PRKG1: variants seen among roughly 807,000 people sequenced by gnomAD.
PRKG1 encodes the protein cGMP-dependent protein kinase 1.
PRKG1 carries 35 observed loss-of-function variants against 88.1 expected under a neutral mutation model. That is an observed-to-expected ratio of 0.40 (90% CI 0.30 to 0.53). PRKG1 has a LOEUF of 0.53. PRKG1 is among the 20% of genes least tolerant of loss of function. The probability of loss-of-function intolerance (pLI) is 0.59; values close to 1 mark genes in which losing one functional copy is unlikely to be tolerated. For missense variants in PRKG1, 540 were observed against 839.8 expected (o/e 0.64, Z 4.41); for synonymous variants, 303 against 292.5 (o/e 1.04, Z -0.37).
At chr10:52,151,327 C>G (rs1307380083) in intron 8 of PRKG1, among the ~76,000 whole-genome samples, 1 of 152,010 alleles carries the variant, frequency 6.6e-6, no homozygotes, top group Non-Finnish European at 1.5e-5. Flanking sequence ...ATAGATTCTG[C>G]TTTGAGAATA....
At chr10:51,700,314 T>C (rs1841433268) in intron 3 of PRKG1, among the ~76,000 whole-genome samples, 1 of 152,236 alleles carries the variant, frequency 6.6e-6, no homozygotes. Flanking sequence ...ATTCCTAATA[T>C]TACGGTTTTC....
At chr10:51,997,940 G>A (rs74884655) in intron 5 of PRKG1, among the ~76,000 whole-genome samples, 8,356 of 151,972 alleles carry the variant, frequency 0.055, 711 homozygotes, top group African/African-American at 0.18. Context: ...TTGAATAGAG[G>A]TGGTGATAGC....
rs1338776001 is a variant in PRKG1 at position 51,148,267 on chromosome 10, A to T, written c.312-4897A>T. 3 of 985,126 alleles carry T rather than the reference A, an allele frequency of 3.0e-6. No homozygotes were observed. The African/African-American group carries it at 5.2e-5, about 17-fold the overall frequency. 61.0% of individuals were successfully genotyped at this position (985,126 alleles called of 1,614,324 possible). A position where few individuals can be genotyped will look rare whatever the true frequency, so the allele number is the denominator to read the frequency against. On this transcript the variant is annotated intron_variant, in intron 1 of 17. Transcript: ENST00000373980. ...ATAGACAATACTGTAGGCCAAGGTG[A>T]CTGTGAAAATCATTTATTGCTTCCC... is the stretch of plus-strand genomic sequence containing the variant.
At position 52,294,700 on chromosome 10, in the gene PRKG1, G is replaced by A. The variant is rs972867706; in HGVS notation, c.*800G>A. 6.6e-6 allele frequency: 1 copy of A among 152,434 alleles called. No individual in the cohort carries two copies. Among genetic ancestry groups the A allele is most frequent in the Admixed American group, 6.6e-5 (1 of 15,230 alleles). 9.4% of individuals were successfully genotyped at this position (152,434 alleles called of 1,614,324 possible). A position where few individuals can be genotyped will look rare whatever the true frequency, so the allele number is the denominator to read the frequency against. ...CATTTCATATTTTTTAAAATATTGTGCTTAAAGATGGTCCTGGAAGTAAAT... is the reference window on the plus strand; with the variant it reads ...CATTTCATATTTTTTAAAATATTGTACTTAAAGATGGTCCTGGAAGTAAAT... On this transcript the variant is annotated 3_prime_UTR_variant, in exon 18 of 18. Coordinates refer to ENST00000373980, the MANE Select transcript of PRKG1 (RefSeq NM_006258.4).
At chr10:51,823,641 C>T (rs910101254) in intron 4 of PRKG1, among the ~76,000 whole-genome samples, 4 of 151,920 alleles carry the variant, frequency 2.6e-5, no homozygotes, top group African/African-American at 7.3e-5. Flanking sequence ...TTTCTTGAAA[C>T]ATTTCGATGT....
At position 52,222,235 on chromosome 10, in the gene PRKG1, C is replaced by T. The variant is rs373036656; in HGVS notation, c.1077-29335C>T. 6.5e-4 allele frequency among the ~76,000 whole-genome samples: 99 copies of T among 152,228 alleles called. 1 individual carries two copies. The highest frequency in any genetic ancestry group is 6.8e-3 in the Middle Eastern group (2 of 294). ...TTCACCCATGGGAGCACGTGTGAAA[C>T]ATTAGCCTGCTTCTGCCCCTCTCCT... On this transcript the variant is annotated intron_variant, in intron 9 of 17. Transcript: ENST00000373980.
chr10:51,696,803 A>G (rs1841305255), intron 3 of PRKG1: 1 of 152,034 alleles, frequency 6.6e-6, no homozygotes, highest in Non-Finnish European at 1.5e-5. Flanking sequence ...TACTTATGAA[A>G]AGTCAAATAC....
chr10:51,058,712 A>G (rs947320197), intron 1 of PRKG1, among the ~76,000 whole-genome samples: 1 of 152,056 alleles, frequency 6.6e-6, no homozygotes, highest in Admixed American at 6.6e-5. Flanking sequence ...TTTCTTGTTT[A>G]TGACATTATT....
chr10:51,980,508 G>A (rs1843980219), intron 5 of PRKG1, among the ~76,000 whole-genome samples: 1 of 152,130 alleles, frequency 6.6e-6, no homozygotes, highest in African/African-American at 2.4e-5. Context: ...ATTTGATCCA[G>A]TACTGAGTTC....
chr10:51,306,649 C>T (rs1483747459), intron 2 of PRKG1: 1 of 152,128 alleles, frequency 6.6e-6, no homozygotes, highest in Non-Finnish European at 1.5e-5. Context: ...CTTTGCTCTC[C>T]ATGGACAACA....
chr10:51,332,113 A>T (rs1417563250), intron 2 of PRKG1, among the ~76,000 whole-genome samples: 2 of 152,358 alleles, frequency 1.3e-5, no homozygotes, highest in South Asian at 2.1e-4. Context: ...AAATCCCTTT[A>T]AAAAATATGG....
intron 4 of PRKG1, among the ~76,000 whole-genome samples, chr10:51,881,467 A>C (rs1055605154): frequency 3.9e-5 from 6 of 152,164 alleles, no homozygotes; most frequent in African/African-American, 1.4e-4. Flanking sequence ...AAATAGCAGG[A>C]AACTGGCTTC....
rs1328573775 is a variant in PRKG1, at chr10:51,775,893, A to G, written c.593-28692A>G. On this transcript the variant is annotated intron_variant, in intron 3 of 17. Transcript: ENST00000373980. ...GCCACTGCGCCAGCCTGATTTTTCA[A>G]TTTTGATAATTTGCTGTCTTTCCTT... is the stretch of plus-strand genomic sequence containing the variant. 2.6e-5 allele frequency among the ~76,000 whole-genome samples: 4 copies of G among 151,870 alleles called. No homozygotes were observed. In the East Asian group the frequency reaches 7.8e-4, roughly 29 times the overall value.
chr10:51,353,781 C>A (rs1303507810), intron 2 of PRKG1, among the ~76,000 whole-genome samples: 1 of 152,018 alleles, frequency 6.6e-6, no homozygotes, highest in Admixed American at 6.6e-5. Context: ...TATCATCTGG[C>A]AATCCCACTG....
chr10:52,023,678 AT>A (rs71533113), intron 5 of PRKG1, among the ~76,000 whole-genome samples: 5 of 152,134 alleles, frequency 3.3e-5, no homozygotes, highest in African/African-American at 1.2e-4. Flanking sequence ...GATGGCGAGC[AT>A]TTTTTCATGT....
At chr10:52,139,276 A>C (rs1308706551) in intron 8 of PRKG1, among the ~76,000 whole-genome samples, 2 of 152,164 alleles carry the variant, frequency 1.3e-5, no homozygotes, top group Non-Finnish European at 2.9e-5. Flanking sequence ...GTCTGTATTA[A>C]AATGGTTTTT....
At chr10:51,530,029 G>A (rs926991658) in intron 3 of PRKG1, among the ~76,000 whole-genome samples, 7 of 152,058 alleles carry the variant, frequency 4.6e-5, no homozygotes, top group Admixed American at 4.6e-4. Context: ...TTGCTGACTG[G>A]CTATTCAGTT....
chr10:52,081,518 A>G, intron 7 of PRKG1: 1 of 449,658 alleles, frequency 2.2e-6, no homozygotes, highest in Admixed American at 2.4e-5. Flanking sequence ...CAATTAAGGT[A>G]GGAATTCTAT....
intron 11 of PRKG1, among the ~76,000 whole-genome samples, chr10:52,272,002 A>C (rs764205180): frequency 6.6e-6 from 1 of 152,078 alleles, no homozygotes. Context: ...AGCGAATAGC[A>C]TATGAAATTT....
Sources: allele counts gnomAD v4.1 joint callset (sites outside exome capture counted in the v4.1 genomes callset), GRCh38; gene constraint gnomAD v4.1.1; transcripts MANE v1.5; gene names NCBI Gene and HGNC (gene_info 2026-07-23, HGNC 2026-07-21).